Variants in PCSK6 observed in about 807,000 individuals in gnomAD.
PCSK6 encodes proprotein convertase subtilisin/kexin type 6.
PCSK6 carries 85 observed loss-of-function variants against 123.3 expected under a neutral mutation model. The ratio of observed to expected loss-of-function variants is 0.69; its 90% CI spans 0.58 to 0.83. The LOEUF (loss-of-function observed/expected upper bound fraction) is 0.83. PCSK6 is among the 40% of genes least tolerant of loss of function. The probability of loss-of-function intolerance (pLI) is 0.00; values close to 1 mark genes in which losing one functional copy is unlikely to be tolerated. For synonymous variants in PCSK6, 508 were observed against 516.0 expected (o/e 0.98, Z 0.21); for missense variants, 1,191 against 1,282.3 (o/e 0.93, Z 1.09).
chr15:101,373,141 A>T (rs1204701010), intron 11 of PCSK6, among the ~76,000 whole-genome samples: 1 of 151,968 alleles, frequency 6.6e-6, no homozygotes, highest in Middle Eastern at 3.2e-3. Flanking sequence ...TATTCCTGCT[A>T]AGGGACTCCA....
intron 1 of PCSK6, among the ~76,000 whole-genome samples, chr15:101,468,797 G>A (rs187168023): frequency 1.1e-4 from 17 of 152,304 alleles, no homozygotes; most frequent in Admixed American, 5.2e-4. Flanking sequence ...GAGTGTGCCC[G>A]TCAGGCAAGG....
rs536609794 is a variant in PCSK6 at position 101,348,943 on chromosome 15, C to A, written c.1859-16912G>T. 2.0e-5 allele frequency among the ~76,000 whole-genome samples: 3 copies of A among 152,344 alleles called. No homozygotes were observed. In the South Asian group the frequency reaches 6.2e-4, roughly 32 times the overall value. On this transcript the variant is annotated intron_variant, in intron 13 of 21. Coordinates refer to ENST00000611716, the MANE Select transcript of PCSK6 (RefSeq NM_002570.5). Reference sequence around the variant, plus strand: ...CCTCTCACTCAAGTCGCCTGGATAACGGGTCAGATTTGGTTTTCGTAACTG... The same window carrying A: ...CCTCTCACTCAAGTCGCCTGGATAAAGGGTCAGATTTGGTTTTCGTAACTG...
chr15:101,481,665 C>T (rs967864295), intron 1 of PCSK6, among the ~76,000 whole-genome samples: 8 of 152,018 alleles, frequency 5.3e-5, no homozygotes, highest in Admixed American at 1.3e-4. Flanking sequence ...TGGGGGAGCA[C>T]GGGAGCAGGA....
At chr15:101,431,548 C>A (rs750203699) in intron 3 of PCSK6, 85 bp from the exon 4 acceptor site, 1 of 1,551,516 alleles carries the variant, frequency 6.4e-7, no homozygotes, top group Admixed American at 1.7e-5. Flanking sequence ...CACAGGGAGG[C>A]GCTTAGGCTT....
intron 6 of PCSK6, among the ~76,000 whole-genome samples, chr15:101,399,411 C>T (rs1203371453): frequency 6.6e-6 from 1 of 152,176 alleles, no homozygotes. Flanking sequence ...GCCAGCTCAT[C>T]TCCATTTGGG....
At chr15:101,313,095 C>T in intron 20 of PCSK6, 2 of 1,371,936 alleles carry the variant, frequency 1.5e-6, no homozygotes, top group Admixed American at 2.8e-5. Context: ...GCAGGGACGT[C>T]CCGCGTAGTC....
chr15:101,306,907 G>A (rs553346529), intron 21 of PCSK6, among the ~76,000 whole-genome samples: 17 of 152,300 alleles, frequency 1.1e-4, no homozygotes, highest in South Asian at 6.2e-4. Flanking sequence ...GGCCACCGGC[G>A]GCCTATGGCA....
At chr15:101,469,934 C>G (rs548299577) in intron 1 of PCSK6, among the ~76,000 whole-genome samples, 1 of 152,334 alleles carries the variant, frequency 6.6e-6, no homozygotes, top group East Asian at 1.9e-4. Context: ...CTGTTTCTCT[C>G]TCATCCAGTG....
At chr15:101,480,283 C>T (rs7165891) in intron 1 of PCSK6, among the ~76,000 whole-genome samples, 1 of 152,224 alleles carries the variant, frequency 6.6e-6, no homozygotes, top group South Asian at 2.1e-4. Flanking sequence ...CTAACAGTGA[C>T]AGCCTCTTCC....
rs367683578 is a variant in PCSK6 at position 101,378,763 on chromosome 15, A to AC, written c.1532+3328dup. Among the ~76,000 whole-genome samples, 602 of 152,080 alleles carry AC rather than the reference A, an allele frequency of 4.0e-3. 6 individuals carry two copies. The highest frequency in any genetic ancestry group is 0.014 in the African/African-American group (577 of 41,464). ...TGGATCCATACACAGACAGGCTCAAACCCCCCAGTCCCCAGATGTGCAGTG... is the reference window on the plus strand; with the variant it reads ...TGGATCCATACACAGACAGGCTCAAACCCCCCCAGTCCCCAGATGTGCAGTG... On this transcript the variant is annotated intron_variant, in intron 11 of 21. Transcript: ENST00000611716.
chr15:101,406,177 A>G (rs969089236), intron 6 of PCSK6, among the ~76,000 whole-genome samples: 32 of 151,252 alleles, frequency 2.1e-4, no homozygotes, highest in African/African-American at 6.3e-4. Flanking sequence ...GAAGCTCAAC[A>G]TTAAGAGCAA....
intron 6 of PCSK6, among the ~76,000 whole-genome samples, chr15:101,403,282 G>GA (rs1336642486): frequency 1.0e-5 from 1 of 97,168 alleles, no homozygotes; most frequent in East Asian, 3.8e-4. Context: ...GGGGTGGGGG[G>GA]AGGGGGGAGG....
At chr15:101,465,226 G>A (rs2057429766) in intron 1 of PCSK6, among the ~76,000 whole-genome samples, 1 of 152,214 alleles carries the variant, frequency 6.6e-6, no homozygotes, top group Non-Finnish European at 1.5e-5. Flanking sequence ...AGACTCGCAT[G>A]GCCACTTGTT....
At chr15:101,373,324 A>G (rs1308232135) in intron 11 of PCSK6, among the ~76,000 whole-genome samples, 1 of 152,230 alleles carries the variant, frequency 6.6e-6, no homozygotes, top group Non-Finnish European at 1.5e-5. Context: ...CTAGGAGCCC[A>G]GCAGCCTCCT....
rs1251238488 is a variant in PCSK6 at position 101,313,176 on chromosome 15, C to T, written c.2699+200G>A. On this transcript the variant is annotated intron_variant, in intron 20 of 21. Transcript: ENST00000611716. ...CCCGCTGCTGCACGGTGTCTGCCCA[C>T]AGCAGGGACCCAACAAATATGCATC... 4 of 1,507,808 alleles carry T rather than the reference C, an allele frequency of 2.7e-6. No homozygotes were observed. In the African/African-American group the frequency reaches 4.1e-5, roughly 16 times the overall value. The allele number at this position is 1,507,808 out of a possible 1,614,324, so 93.4% of individuals were successfully genotyped here. A position where few individuals can be genotyped will look rare whatever the true frequency, so the allele number is the denominator to read the frequency against.
chr15:101,488,894 G>A (rs1336451234), intron 1 of PCSK6, among the ~76,000 whole-genome samples: 1 of 150,512 alleles, frequency 6.6e-6, no homozygotes, highest in Non-Finnish European at 1.5e-5. Context: ...CGGCCGCCTT[G>A]GCGCGCGCAC....
chr15:101,443,981 C>T lies in PCSK6; in HGVS notation c.298-321G>A, dbSNP rs942847002. On this transcript the variant is annotated intron_variant, in intron 1 of 21. Coordinates refer to ENST00000611716, the MANE Select transcript of PCSK6 (RefSeq NM_002570.5). The stretch of plus-strand genomic sequence containing the variant: ...AGTTTTTTAGACAGAAATGAATGTT[C>T]GTTTAGGGCCAAGAATCCCTGAAGT... 4.6e-5 allele frequency among the ~76,000 whole-genome samples: 7 copies of T among 152,272 alleles called. No individual in the cohort carries two copies. In the South Asian group the frequency reaches 8.3e-4, roughly 18 times the overall value.
In PCSK6 at chr15:101,305,139, G is replaced by T; in HGVS notation, c.*119C>A. The T allele has an allele frequency of 1.2e-6, 1 of 803,672 alleles. No individual in the cohort carries two copies. The highest frequency in any genetic ancestry group is 1.6e-5 in the South Asian group (1 of 63,706). 49.8% of individuals were successfully genotyped at this position (803,672 alleles called of 1,614,324 possible). A position where few individuals can be genotyped will look rare whatever the true frequency, so the allele number is the denominator to read the frequency against. On this transcript the variant is annotated 3_prime_UTR_variant, in exon 22 of 22. Coordinates refer to ENST00000611716, the MANE Select transcript of PCSK6 (RefSeq NM_002570.5). The surrounding 1 kb of genome is among the most constrained non-coding windows in gnomAD (Gnocchi z 4.8). ...GGTGCTCAGAGATGCTGCTCCTGGG[G>T]AGATAAAGCTGTCAGGTGCAGGGCG... is the stretch of plus-strand genomic sequence containing the variant.
rs115293510 is a variant in PCSK6, at chr15:101,407,036, G to C, written c.824-8460C>G. Among the ~76,000 whole-genome samples the C allele has an allele frequency of 2.7e-3, 413 of 152,260 alleles. 2 individuals carry two copies. Among genetic ancestry groups the C allele is most frequent in the African/African-American group, 9.4e-3 (390 of 41,560 alleles). On this transcript the variant is annotated intron_variant, in intron 6 of 21. Coordinates refer to ENST00000611716, the MANE Select transcript of PCSK6 (RefSeq NM_002570.5). ...CCACAGCTGTGTCACGGACACAGGTGCGCAGCTCTCTCAGCCAGCGACCTC... is the reference window on the plus strand; with the variant it reads ...CCACAGCTGTGTCACGGACACAGGTCCGCAGCTCTCTCAGCCAGCGACCTC...
Sources: gnomAD v4.1 joint callset for allele counts (sites outside exome capture counted in the v4.1 genomes callset) on GRCh38, gnomAD v4.1.1 for gene constraint, Gnocchi (gnomAD v3.1) non-coding constraint, MANE v1.5 for transcripts, NCBI Gene and HGNC (gene_info 2026-07-23, HGNC 2026-07-21) for gene names.